Variants in ADAMTS12 observed in about 807,000 individuals in gnomAD.
ADAMTS12 encodes the protein A disintegrin and metalloproteinase with thrombospondin motifs 12.
A neutral mutation model predicts 167.8 loss-of-function variants in ADAMTS12; 118 were observed. The observed-to-expected ratio is 0.70, with a 90% confidence interval of 0.61 to 0.82. The LOEUF (loss-of-function observed/expected upper bound fraction) is 0.82. ADAMTS12 is among the 40% of genes least tolerant of loss of function. ADAMTS12 has a pLI of 0.00. For synonymous variants in ADAMTS12, 704 were observed against 716.9 expected (o/e 0.98, Z 0.29); for missense variants, 1,916 against 1,998.8 (o/e 0.96, Z 0.79).
chr5:33,784,392 T>C (rs1324373852), intron 2 of ADAMTS12, among the ~76,000 whole-genome samples: 2 of 151,782 alleles, frequency 1.3e-5, no homozygotes, highest in Non-Finnish European at 2.9e-5. Flanking sequence ...GGCATGCAAA[T>C]TGGAAACAAA....
In ADAMTS12 at chr5:33,683,974, C is replaced by T. The variant is rs1403815771; in HGVS notation, c.716G>A (p.Arg239Gln). ...RHNLPSRSLS[R>Q]RSISKERWVE... ...CCATCTCTCCTTGCTGATGGAACGC[C>T]GAGAGAGGCTTCTGCTTGGCAAGTT... The change falls in exon 4 of 24, where the codon CGG becomes CAG. Residue 239 changes from arginine to glutamine, a missense_variant. Physicochemically the swap from Arg to Gln is conservative, Grantham distance 43 (BLOSUM62 1). Coordinates refer to ENST00000504830, the MANE Select transcript of ADAMTS12 (RefSeq NM_030955.4). 21 of 1,612,098 alleles carry T rather than the reference C, an allele frequency of 1.3e-5. No homozygotes were observed. Among genetic ancestry groups the T allele is most frequent in the East Asian group, 2.2e-5 (1 of 44,768 alleles).
intron 3 of ADAMTS12, among the ~76,000 whole-genome samples, chr5:33,743,282 G>C (rs77860675): frequency 3.9e-5 from 6 of 152,210 alleles, no homozygotes; most frequent in East Asian, 3.8e-4. Context: ...AGTCCAGGGT[G>C]GGGGAAGGCA....
chr5:33,737,561 ATGT>A (rs1391424755), intron 3 of ADAMTS12, among the ~76,000 whole-genome samples: 1 of 152,214 alleles, frequency 6.6e-6, no homozygotes, highest in Non-Finnish European at 1.5e-5. Context: ...AAGATAGTAA[ATGT>A]TGTGTTATAT....
At chr5:33,768,662 T>C (rs1416139214) in intron 2 of ADAMTS12, among the ~76,000 whole-genome samples, 2 of 152,206 alleles carry the variant, frequency 1.3e-5, no homozygotes, top group Admixed American at 6.5e-5. Flanking sequence ...ATGTCTTTTA[T>C]AGTAGTTGTG....
At chr5:33,560,473 G>A (rs547408735) in intron 20 of ADAMTS12, among the ~76,000 whole-genome samples, 70 of 152,196 alleles carry the variant, frequency 4.6e-4, no homozygotes, top group African/African-American at 1.4e-3. Flanking sequence ...ACATGCACAC[G>A]TATGTTTATT....
At chr5:33,689,792 C>G (rs1348261421) in intron 3 of ADAMTS12, among the ~76,000 whole-genome samples, 1 of 152,190 alleles carries the variant, frequency 6.6e-6, no homozygotes, top group East Asian at 1.9e-4. Context: ...CTTCCCCTGT[C>G]TAATGAAGAA....
intron 2 of ADAMTS12, among the ~76,000 whole-genome samples, chr5:33,776,164 T>A (rs929649338): frequency 2.0e-5 from 3 of 152,168 alleles, no homozygotes; most frequent in African/African-American, 7.2e-5. Context: ...GGATAAATCA[T>A]TGAGACAGAA....
rs534458998 is a variant in ADAMTS12 at position 33,858,134 on chromosome 5, T to A, written c.489+22985A>T. On this transcript the variant is annotated intron_variant, in intron 2 of 23. Transcript: ENST00000504830. The stretch of plus-strand genomic sequence containing the variant: ...AATTGAAATAATATAAACTGTGTCC[T>A]CTGACTACAATGAAATTAAAATGGA... 3.3e-5 allele frequency among the ~76,000 whole-genome samples: 5 copies of A among 152,312 alleles called. No homozygotes were observed. In the South Asian group the frequency reaches 1.0e-3, roughly 32 times the overall value.
intron 2 of ADAMTS12, among the ~76,000 whole-genome samples, chr5:33,764,879 A>AC (rs2112415546): frequency 6.6e-6 from 1 of 151,266 alleles, no homozygotes; most frequent in African/African-American, 2.4e-5. Context: ...CCCCATTTGC[A>AC]CCCCCGATTC....
intron 5 of ADAMTS12, among the ~76,000 whole-genome samples, chr5:33,668,317 C>T (rs1423587957): frequency 6.6e-6 from 1 of 152,036 alleles, no homozygotes; most frequent in South Asian, 2.1e-4. Context: ...TATGGGCACT[C>T]GAAGTATCAT....
intron 3 of ADAMTS12, among the ~76,000 whole-genome samples, chr5:33,688,433 C>G (rs4260679): frequency 1 from 151,454 of 152,028 alleles, 75,445 homozygotes; most frequent in Middle Eastern, 1. Flanking sequence ...GGATACCTGA[C>G]CACTAACAGA....
At chr5:33,710,527 T>G (rs34893763) in intron 3 of ADAMTS12, among the ~76,000 whole-genome samples, 1 of 152,062 alleles carries the variant, frequency 6.6e-6, no homozygotes, top group Non-Finnish European at 1.5e-5. Flanking sequence ...TGCTATGACC[T>G]AGTCATTGTA....
At chr5:33,668,167 T>C (rs754607792) in intron 5 of ADAMTS12, among the ~76,000 whole-genome samples, 2 of 152,200 alleles carry the variant, frequency 1.3e-5, no homozygotes, top group Non-Finnish European at 2.9e-5. Context: ...TAACTTAGCA[T>C]AGCCTACGTT....
At chr5:33,648,999 G>C in intron 8 of ADAMTS12, 33 bp from the exon 9 acceptor site, 1 of 1,606,522 alleles carries the variant, frequency 6.2e-7, no homozygotes, top group Non-Finnish European at 8.5e-7. Context: ...GAGAGGAGTT[G>C]TTTAGGATTC....
intron 2 of ADAMTS12, among the ~76,000 whole-genome samples, chr5:33,854,421 C>T (rs1434764021): frequency 6.6e-6 from 1 of 152,150 alleles, no homozygotes; most frequent in African/African-American, 2.4e-5. Flanking sequence ...AAGGGAGTAA[C>T]ATCTGTGGGC....
At chr5:33,787,052 T>C (rs1415142002) in intron 2 of ADAMTS12, among the ~76,000 whole-genome samples, 1 of 152,224 alleles carries the variant, frequency 6.6e-6, no homozygotes, top group Non-Finnish European at 1.5e-5. Flanking sequence ...TGGTCCTCTA[T>C]GGCTGAAAAG....
chr5:33,540,466 G>A (rs976366228), intron 22 of ADAMTS12, among the ~76,000 whole-genome samples: 2 of 152,250 alleles, frequency 1.3e-5, no homozygotes, highest in Non-Finnish European at 1.5e-5. Flanking sequence ...GGTTCTCCCA[G>A]CATGGTGTTT....
At chr5:33,697,789 T>G (rs1742838369) in intron 3 of ADAMTS12, among the ~76,000 whole-genome samples, 1 of 152,220 alleles carries the variant, frequency 6.6e-6, no homozygotes. Flanking sequence ...GTTCAGATTA[T>G]ACGAACTGAC....
At position 33,855,258 on chromosome 5, in the gene ADAMTS12, C is replaced by A. The variant is rs151119800; in HGVS notation, c.489+25861G>T. Among the ~76,000 whole-genome samples, 99 of 152,306 alleles carry A rather than the reference C, an allele frequency of 6.5e-4. 2 individuals are homozygous for A. The highest frequency in any genetic ancestry group is 2.3e-3 in the African/African-American group (96 of 41,554). ...ATGTCCCCTCTCTCAATGGAGGCAC[C>A]ATCAGATGGCACACATTTTAAATGT... On this transcript the variant is annotated intron_variant, in intron 2 of 23. Coordinates refer to ENST00000504830, the MANE Select transcript of ADAMTS12 (RefSeq NM_030955.4).
Sources: allele counts gnomAD v4.1 joint callset (sites outside exome capture counted in the v4.1 genomes callset), GRCh38; gene constraint gnomAD v4.1.1; transcripts MANE v1.5; gene names NCBI Gene and HGNC (gene_info 2026-07-23, HGNC 2026-07-21).